Variants in ZNF98 observed in about 807,000 individuals in gnomAD.
The protein encoded by ZNF98 is zinc finger protein 739.
A neutral mutation model predicts 12.8 loss-of-function variants in ZNF98; 8 were observed. That is an observed-to-expected ratio of 0.63 (90% CI 0.37 to 1.13). The LOEUF (loss-of-function observed/expected upper bound fraction) is 1.13, where lower values mean the gene tolerates loss of function less well. ZNF98 is among the 50% of genes most tolerant of loss of function. ZNF98 has a pLI of 0.01. For synonymous variants in ZNF98, 112 were observed against 223.5 expected (o/e 0.50, Z 4.45); for missense variants, 379 against 666.1 (o/e 0.57, Z 4.74).
rs1034808539 is a variant in ZNF98 at position 22,422,283 on chromosome 19, G to A, written c.-59C>T. ...AGGGCCACAGAGGCTGGGCCTCTAC[G>A]AGCAGAGGACACAGAAGGGCGAAGA... is the stretch of plus-strand genomic sequence containing the variant. On this transcript the variant is annotated 5_prime_UTR_variant, in exon 1 of 4. Coordinates refer to ENST00000357774, the MANE Select transcript of ZNF98 (RefSeq NM_001098626.2). The A allele has an allele frequency of 3.1e-6, 5 of 1,600,398 alleles. No individual in the cohort carries two copies. The Admixed American group carries it at 6.7e-5, about 21-fold the overall frequency.
At chr19:22,411,200 G>A (rs1969577055) in intron 1 of ZNF98, among the ~76,000 whole-genome samples, 1 of 149,778 alleles carries the variant, frequency 6.7e-6, no homozygotes, top group Admixed American at 6.8e-5. Flanking sequence ...GCGCCACCAT[G>A]CCTGGCTAAT....
chr19:22,397,576 A>C (rs1969411446), intron 3 of ZNF98, among the ~76,000 whole-genome samples: 1 of 151,212 alleles, frequency 6.6e-6, no homozygotes, highest in African/African-American at 2.4e-5. Flanking sequence ...TATCACCAAA[A>C]TGAAATGAGT....
Position 22,392,120 on chromosome 19 carries a change from T to A in ZNF98, c.1115A>T (p.His372Leu). Residue 372 changes from histidine to leucine, a missense_variant, in exon 4 of 4, where the codon CAT (histidine) becomes CTT (leucine). His to Leu is a moderately conservative substitution (Grantham distance 99). Transcript: ENST00000357774. ...LSHLTTHKRIHSGEKPYKCEE... is the reference protein window; with the variant it reads ...LSHLTTHKRILSGEKPYKCEE... ...ACACTTGTAGGGTTTCTCTCCAGAA[T>A]GAATTCTCTTATGTGTAGTAAGGTG... 1 of 1,611,988 alleles carries A rather than the reference T, an allele frequency of 6.2e-7. No individual in the cohort carries two copies. Among genetic ancestry groups the A allele is most frequent in the Non-Finnish European group, 8.5e-7 (1 of 1,179,142 alleles).
At chr19:22,403,936 C>T (rs1404579472) in intron 1 of ZNF98, among the ~76,000 whole-genome samples, 1 of 152,162 alleles carries the variant, frequency 6.6e-6, no homozygotes, top group Admixed American at 6.5e-5. Flanking sequence ...TTCAGAAAAT[C>T]TGGGCTGGGA....
intron 1 of ZNF98, among the ~76,000 whole-genome samples, chr19:22,418,788 A>C (rs1295806232): frequency 6.6e-6 from 1 of 152,240 alleles, no homozygotes; most frequent in Non-Finnish European, 1.5e-5. Flanking sequence ...AGGCTGAGGC[A>C]GGAGAATCGC....
intron 1 of ZNF98, among the ~76,000 whole-genome samples, chr19:22,421,639 T>C (rs1002057019): frequency 6.6e-6 from 1 of 152,136 alleles, no homozygotes; most frequent in Non-Finnish European, 1.5e-5. Context: ...ACCTAACCGA[T>C]TACTGAATTT....
intron 3 of ZNF98, among the ~76,000 whole-genome samples, chr19:22,401,627 G>T (rs1040065939): frequency 2.6e-5 from 4 of 151,574 alleles, no homozygotes; most frequent in African/African-American, 9.7e-5. Flanking sequence ...GGAATTACAG[G>T]CGCCTGTCAC....
intron 1 of ZNF98, among the ~76,000 whole-genome samples, chr19:22,416,392 C>A (rs1394886832): frequency 2.0e-5 from 3 of 151,996 alleles, no homozygotes; most frequent in Admixed American, 6.6e-5. Flanking sequence ...ATGGCGTGAA[C>A]CCGGGAGGCG....
intron 3 of ZNF98, among the ~76,000 whole-genome samples, chr19:22,394,538 C>G (rs1969368178): frequency 6.6e-6 from 1 of 152,052 alleles, no homozygotes; most frequent in South Asian, 2.1e-4. Context: ...CCTTTGCAGG[C>G]ACATGGATGA....
chr19:22,394,984 G>A (rs889945350), intron 3 of ZNF98, among the ~76,000 whole-genome samples: 2 of 151,716 alleles, frequency 1.3e-5, no homozygotes, highest in African/African-American at 4.8e-5. Context: ...CCAAGCCTTG[G>A]CAACATAGTG....
At chr19:22,401,665 A>G (rs1013902483) in intron 3 of ZNF98, among the ~76,000 whole-genome samples, 3 of 151,376 alleles carry the variant, frequency 2.0e-5, no homozygotes, top group Non-Finnish European at 2.9e-5. Context: ...TTGTATTTTT[A>G]GTAGAGACAG....
intron 1 of ZNF98, among the ~76,000 whole-genome samples, chr19:22,416,852 TTTGAAGCAACG>T (rs1969649825): frequency 6.6e-6 from 1 of 152,136 alleles, no homozygotes; most frequent in South Asian, 2.1e-4. Flanking sequence ...GATCATGTCC[TTTGAAGCAACG>T]TGGATTAAGC....
intron 1 of ZNF98, among the ~76,000 whole-genome samples, chr19:22,421,391 C>T (rs1969701936): frequency 6.6e-6 from 1 of 152,090 alleles, no homozygotes; most frequent in Non-Finnish European, 1.5e-5. Flanking sequence ...GCTTGGGACC[C>T]ATGTGAAACA....
chr19:22,404,904 C>A (rs1969502709), intron 1 of ZNF98, among the ~76,000 whole-genome samples: 1 of 152,068 alleles, frequency 6.6e-6, no homozygotes, highest in South Asian at 2.1e-4. Context: ...GAGATAGAAC[C>A]TCAACATTAC....
At chr19:22,402,175 C>CAAAAAAAA in intron 3 of ZNF98, among the ~76,000 whole-genome samples, 1 of 60,502 alleles carries the variant, frequency 1.7e-5, no homozygotes, top group Non-Finnish European at 3.0e-5. Context: ...GACTCCATCT[C>CAAAAAAAA]AAAAAAAAAA....
intron 3 of ZNF98, among the ~76,000 whole-genome samples, chr19:22,399,505 A>G (rs1263905772): frequency 6.6e-6 from 1 of 152,188 alleles, no homozygotes; most frequent in Non-Finnish European, 1.5e-5. Context: ...AGGGCCTCTG[A>G]TATATAAAAC....
In ZNF98 at chr19:22,392,939, C is replaced by T. The variant is rs202170063; in HGVS notation, c.296G>A (p.Gly99Asp). The change falls in exon 4 of 4, where the codon GGC becomes GAC. Residue 99 changes from glycine to aspartate, a missense_variant. Coordinates refer to ENST00000357774, the MANE Select transcript of ZNF98 (RefSeq NM_001098626.2). ...YFAQDLWPKQ[G>D]KKNYFQKVIL... ...CACTTTTTGGAAATAATTTTTTTTG[C>T]CCTGCTTTGGCCAAAGGTCTTGGGC... 1.2e-3 allele frequency: 1,827 copies of T among 1,570,530 alleles called. 1 individual carries two copies. Among genetic ancestry groups the T allele is most frequent in the Non-Finnish European group, 1.5e-3 (1,720 of 1,162,766 alleles).
In ZNF98 at chr19:22,421,013, A is replaced by C. The variant is rs1969697864; in HGVS notation, c.30+1182T>G. On this transcript the variant is annotated intron_variant, in intron 1 of 3. Transcript: ENST00000357774. ...TAAGACATTGCATTTTCCACTTACA[A>C]TACAGTGTTTATAAAGTGCAATGCT... is the stretch of plus-strand genomic sequence containing the variant. Among the ~76,000 whole-genome samples the C allele has an allele frequency of 2.0e-5, 3 of 152,256 alleles. No individual in the cohort carries two copies. The South Asian group carries it at 6.2e-4, about 32-fold the overall frequency.
intron 1 of ZNF98, among the ~76,000 whole-genome samples, chr19:22,410,606 G>T (rs868218500): frequency 6.6e-6 from 1 of 152,194 alleles, no homozygotes; most frequent in South Asian, 2.1e-4. Context: ...GTTGTGAAGT[G>T]GGGGCAAGGG....
Sources: allele counts gnomAD v4.1 joint callset (sites outside exome capture counted in the v4.1 genomes callset), GRCh38; gene constraint gnomAD v4.1.1; transcripts MANE v1.5; gene names NCBI Gene and HGNC (gene_info 2026-07-23, HGNC 2026-07-21).